Variants in PGM5 observed in about 807,000 individuals in gnomAD.
The protein encoded by PGM5 is phosphoglucomutase 5.
PGM5 carries 23 observed loss-of-function variants against 59.2 expected under a neutral mutation model. That is an observed-to-expected ratio of 0.39 (90% CI 0.28 to 0.55). The LOEUF is 0.55. Among genes scored for constraint, PGM5 ranks in the 20% least tolerant of loss-of-function variants. PGM5 has a pLI of 0.66. For synonymous variants in PGM5, 214 were observed against 286.0 expected (o/e 0.75, Z 2.54); for missense variants, 574 against 748.3 (o/e 0.77, Z 2.72).
rs530051469 is a variant in PGM5 at position 68,516,836 on chromosome 9, A to G, written c.1615-12731A>G. Among the ~76,000 whole-genome samples, 18 of 151,940 alleles carry G rather than the reference A, an allele frequency of 1.2e-4. No individual in the cohort carries two copies. The South Asian group carries it at 2.1e-3, about 18-fold the overall frequency. The stretch of plus-strand genomic sequence containing the variant: ...TGAGTGGAGACAGTTCCTGGATTTC[A>G]TGTTTATATAGTTCTGTTTTTTTGT... On this transcript the variant is annotated intron_variant, in intron 10 of 10. Transcript: ENST00000396396.
intron 5 of PGM5, among the ~76,000 whole-genome samples, 187 bp downstream of exon 5, chr9:68,391,911 T>C (rs1443064483): frequency 6.6e-6 from 1 of 152,190 alleles, no homozygotes; most frequent in Non-Finnish European, 1.5e-5. Context: ...CTTTTCTTAG[T>C]TCCAGATTTA....
intron 1 of PGM5, among the ~76,000 whole-genome samples, chr9:68,366,865 T>A (rs1409718726): frequency 6.6e-6 from 1 of 152,238 alleles, no homozygotes; most frequent in Non-Finnish European, 1.5e-5. Context: ...ACACAATTAT[T>A]ATAAAAATAT....
rs182050571 is a variant in PGM5 at position 68,521,303 on chromosome 9, A to G, written c.1615-8264A>G. 8.7e-4 allele frequency among the ~76,000 whole-genome samples: 132 copies of G among 152,364 alleles called. 1 individual carries two copies. Among genetic ancestry groups the G allele is most frequent in the African/African-American group, 2.8e-3 (118 of 41,586 alleles). ...CAGTGCCAGCTATTACAAAATTACT[A>G]AAGAATCAAAACTTAGAATCCAAGG... On this transcript the variant is annotated intron_variant, in intron 10 of 10. Transcript: ENST00000396396.
intron 1 of PGM5, 195 bp downstream of exon 1, chr9:68,357,583 T>G (rs1370914409): frequency 5.9e-6 from 5 of 844,278 alleles, no homozygotes; most frequent in African/African-American, 3.4e-5. Flanking sequence ...CCCCGGACAC[T>G]GGGTTCTATT....
intron 8 of PGM5, among the ~76,000 whole-genome samples, chr9:68,479,910 G>A (rs1301145760): frequency 6.9e-6 from 1 of 145,250 alleles, no homozygotes; most frequent in Non-Finnish European, 1.5e-5. Context: ...GCGACAGAGC[G>A]AGACTCCGTC....
At chr9:68,529,210 T>TGG (rs1554690231) in intron 10 of PGM5, among the ~76,000 whole-genome samples, 5 of 138,178 alleles carry the variant, frequency 3.6e-5, no homozygotes, top group African/African-American at 8.1e-5. Context: ...TGTGTGTGTG[T>TGG]GGTGAGGATG....
chr9:68,470,941 T>G (rs140594943), intron 7 of PGM5, among the ~76,000 whole-genome samples: 8 of 152,320 alleles, frequency 5.3e-5, no homozygotes, highest in Non-Finnish European at 2.9e-5. Flanking sequence ...GCCAGAAAAT[T>G]GAAACTCCCT....
chr9:68,389,177 G>T (rs59591874), intron 4 of PGM5, among the ~76,000 whole-genome samples: 47,296 of 151,588 alleles, frequency 0.31, 7,490 homozygotes, highest in Middle Eastern at 0.39. Flanking sequence ...ATTTTCCAAA[G>T]ATTCTCTCTT....
intron 10 of PGM5, among the ~76,000 whole-genome samples, chr9:68,512,992 C>A (rs1246737475): frequency 1.3e-5 from 2 of 152,184 alleles, no homozygotes; most frequent in African/African-American, 4.8e-5. Context: ...TATGGCTGCA[C>A]CAAAACCAGG....
chr9:68,407,737 G>C (rs1225476140), intron 6 of PGM5, among the ~76,000 whole-genome samples: 1 of 152,140 alleles, frequency 6.6e-6, no homozygotes, highest in Non-Finnish European at 1.5e-5. Flanking sequence ...AATGTGATTT[G>C]TGTGCATATT....
At chr9:68,401,436 G>A (rs1409055660) in intron 6 of PGM5, among the ~76,000 whole-genome samples, 38 of 152,172 alleles carry the variant, frequency 2.5e-4, no homozygotes, top group African/African-American at 6.3e-4. Context: ...GGGCATTGTC[G>A]TTATTTAGGG....
In PGM5 at chr9:68,499,070, C is replaced by T. The variant is rs991822364; in HGVS notation, c.1480-157C>T. The T allele has an allele frequency of 1.1e-5, 8 of 741,660 alleles. No individual in the cohort carries two copies. In the Middle Eastern group the frequency reaches 1.7e-3, roughly 160 times the overall value. 45.9% of individuals were successfully genotyped at this position (741,660 alleles called of 1,614,324 possible). The stretch of plus-strand genomic sequence containing the variant: ...TGGGTAACTCTAAGTAGGTTCATCA[C>T]ATTCATTACATGCCCTGTATCCAGA... On this transcript the variant is annotated intron_variant, in intron 9 of 10. Coordinates refer to ENST00000396396, the MANE Select transcript of PGM5 (RefSeq NM_021965.4).
intron 6 of PGM5, among the ~76,000 whole-genome samples, chr9:68,463,810 A>G (rs1823892729): frequency 6.6e-6 from 1 of 152,192 alleles, no homozygotes; most frequent in Non-Finnish European, 1.5e-5. Context: ...TGCTGGCAAT[A>G]CAGCAGACAG....
intron 5 of PGM5, among the ~76,000 whole-genome samples, chr9:68,391,994 G>A (rs1316233287): frequency 2.0e-5 from 3 of 152,066 alleles, no homozygotes; most frequent in East Asian, 3.9e-4. Flanking sequence ...GGCTGGTGTT[G>A]TTGAAAGCAC....
At chr9:68,455,808 C>T (rs561719273) in intron 6 of PGM5, among the ~76,000 whole-genome samples, 5 of 152,278 alleles carry the variant, frequency 3.3e-5, no homozygotes, top group South Asian at 2.1e-4. Flanking sequence ...AGAGCTGGAA[C>T]GATATCCCAC....
intron 1 of PGM5, among the ~76,000 whole-genome samples, chr9:68,373,661 C>T (rs1166767215): frequency 3.9e-5 from 6 of 152,054 alleles, no homozygotes; most frequent in South Asian, 2.1e-4. Flanking sequence ...ATGTTTCTTT[C>T]GCTACTGCTT....
chr9:68,382,584 TG>T (rs1236273189), intron 2 of PGM5, among the ~76,000 whole-genome samples: 1 of 151,786 alleles, frequency 6.6e-6, no homozygotes, highest in Non-Finnish European at 1.5e-5. Context: ...TTAAAATCTC[TG>T]GGTATTCTTT....
chr9:68,403,826 T>C (rs1822736638), intron 6 of PGM5, among the ~76,000 whole-genome samples: 1 of 152,146 alleles, frequency 6.6e-6, no homozygotes, highest in African/African-American at 2.4e-5. Context: ...CCCAAGGTGG[T>C]AGATGACATC....
intron 6 of PGM5, chr9:68,428,641 A>T (rs1337634863): frequency 6.6e-6 from 1 of 152,176 alleles, no homozygotes; most frequent in African/African-American, 2.4e-5. Context: ...GTGATTCTGC[A>T]TGGGATCAGG....
Sources: gnomAD v4.1 joint callset for allele counts (sites outside exome capture counted in the v4.1 genomes callset) on GRCh38, gnomAD v4.1.1 for gene constraint, MANE v1.5 for transcripts, NCBI Gene and HGNC (gene_info 2026-07-23, HGNC 2026-07-21) for gene names.